The following EMILIN2 variants were observed in gnomAD, a reference collection of about 807,000 sequenced individuals.
The protein encoded by EMILIN2 is elastin microfibril interfacer 2.
A neutral mutation model predicts 87.1 loss-of-function variants in EMILIN2; 71 were observed. That is an observed-to-expected ratio of 0.82 (90% CI 0.67 to 0.99). The LOEUF (loss-of-function observed/expected upper bound fraction) is 0.99, where lower values mean the gene tolerates loss of function less well. Among genes scored for constraint, EMILIN2 ranks in the 50% least tolerant of loss-of-function variants. The pLI, the probability that EMILIN2 is intolerant of heterozygous loss-of-function variation, is 0.00. For synonymous variants in EMILIN2, 581 were observed against 563.4 expected, an observed-to-expected ratio of 1.03 and a Z score of -0.44; for missense variants, 1,407 against 1,371.8, an observed-to-expected ratio of 1.03 and a Z score of -0.40.
rs926225184 is a variant in EMILIN2 at position 2,848,373 on chromosome 18, A to G, written c.257+442A>G. Among the ~76,000 whole-genome samples the G allele has an allele frequency of 6.6e-6, 1 of 152,132 alleles. No individual in the cohort carries two copies. The highest frequency in any genetic ancestry group is 6.5e-5 in the Admixed American group (1 of 15,276). Reference sequence around the variant, plus strand: ...AGGTTTGGCTAAGTAGTGTTCTAAAACGAGTGAGTTCTGTCCGTATGTCCC... The same window carrying G: ...AGGTTTGGCTAAGTAGTGTTCTAAAGCGAGTGAGTTCTGTCCGTATGTCCC... On this transcript the variant is annotated intron_variant, in intron 2 of 7. Transcript: ENST00000254528. This position sits in a 1 kb window ranked among gnomAD's most constrained non-coding sequence, Gnocchi z 4.1.
intron 2 of EMILIN2, among the ~76,000 whole-genome samples, chr18:2,869,149 TTAA>T (rs988864630): frequency 6.6e-6 from 1 of 152,208 alleles, no homozygotes; most frequent in African/African-American, 2.4e-5. Context: ...TGACAAAGAC[TTAA>T]TGATGCTGAT....
intron 2 of EMILIN2, among the ~76,000 whole-genome samples, chr18:2,861,149 G>A (rs1406641240): frequency 6.6e-6 from 1 of 152,136 alleles, no homozygotes; most frequent in South Asian, 2.1e-4. Context: ...TGTCAGATGA[G>A]TAGATTGCAA....
At position 2,906,866 on chromosome 18, in the gene EMILIN2, G is replaced by A. The variant is rs937908084; in HGVS notation, c.2443G>A (p.Ala815Thr). ...CGCCCCGCCGAGGCCCAGCGGCCCC[G>A]CAACCGCAGAGGACCCTGGGCGACG... ...EPAPPRPSGP[A>T]TAEDPGRRPV... is the part of the protein sequence containing the mutation. The change falls in exon 5 of 8, where the codon GCA (alanine) becomes ACA (threonine). Residue 815 changes from alanine (A) to threonine (T), a missense_variant. Transcript: ENST00000254528. 7 of 1,370,430 alleles carry A rather than the reference G, an allele frequency of 5.1e-6. No homozygotes were observed. The highest frequency in any genetic ancestry group is 6.3e-5 in the East Asian group (2 of 31,844). 84.9% of individuals were successfully genotyped at this position (1,370,430 alleles called of 1,614,324 possible).
intron 2 of EMILIN2, among the ~76,000 whole-genome samples, chr18:2,868,021 C>A (rs560354109): frequency 5.9e-5 from 9 of 151,938 alleles, no homozygotes; most frequent in Admixed American, 2.6e-4. Context: ...GGCTGCCGGG[C>A]GGAGATGCTC....
chr18:2,895,915 G>C (rs1380764789), intron 4 of EMILIN2, among the ~76,000 whole-genome samples: 3 of 152,226 alleles, frequency 2.0e-5, no homozygotes, highest in African/African-American at 7.2e-5. Context: ...ATGTGTGATG[G>C]TTTTGGACCA....
At chr18:2,850,378 C>G (rs1341925057) in intron 2 of EMILIN2, among the ~76,000 whole-genome samples, 5 of 151,582 alleles carry the variant, frequency 3.3e-5, no homozygotes, top group Non-Finnish European at 5.9e-5. Context: ...CACCTGGGAC[C>G]TGTGGAAGGA....
chr18:2,886,467 T>A (rs2076804031), intron 3 of EMILIN2, among the ~76,000 whole-genome samples: 1 of 152,246 alleles, frequency 6.6e-6, no homozygotes, highest in African/African-American at 2.4e-5. Flanking sequence ...TCCCTTCCCA[T>A]GGGTAGTACT....
intron 4 of EMILIN2, among the ~76,000 whole-genome samples, chr18:2,905,684 C>T (rs1215467019): frequency 6.6e-6 from 1 of 151,994 alleles, no homozygotes; most frequent in Non-Finnish European, 1.5e-5. Context: ...CTCCCTGCAA[C>T]CTCCACCTCC....
intron 2 of EMILIN2, among the ~76,000 whole-genome samples, chr18:2,868,208 G>A (rs1439756183): frequency 2.0e-5 from 3 of 151,368 alleles, no homozygotes; most frequent in East Asian, 3.9e-4. Flanking sequence ...ATGGGGCGGC[G>A]GGGCAGAGGC....
chr18:2,855,474 T>C (rs1225133136), intron 2 of EMILIN2, among the ~76,000 whole-genome samples: 1 of 152,246 alleles, frequency 6.6e-6, no homozygotes, highest in East Asian at 1.9e-4. Flanking sequence ...AAAAGCAGCC[T>C]GCTTTTTGTT....
intron 2 of EMILIN2, among the ~76,000 whole-genome samples, chr18:2,859,687 A>G (rs1187520050): frequency 6.6e-6 from 1 of 152,176 alleles, no homozygotes; most frequent in Non-Finnish European, 1.5e-5. Context: ...ATCTTCTAGC[A>G]TTTTTATAGT....
intron 4 of EMILIN2, among the ~76,000 whole-genome samples, chr18:2,902,101 A>C (rs1479074981): frequency 6.6e-6 from 1 of 152,184 alleles, no homozygotes. Flanking sequence ...GATTATAGTA[A>C]AAGACAGAAT....
rs2076854045 is a variant in EMILIN2 at position 2,894,380 on chromosome 18, C to G, written c.2359+1894C>G. On this transcript the variant is annotated intron_variant, in intron 4 of 7. Transcript: ENST00000254528. This position sits in a 1 kb window ranked among gnomAD's most constrained non-coding sequence, Gnocchi z 5.0. ...CACCCGAGTGTCCAGCCCACTGCACCTCACTATTTATAACCCAGCCCTTCC... is the reference window on the plus strand; with the variant it reads ...CACCCGAGTGTCCAGCCCACTGCACGTCACTATTTATAACCCAGCCCTTCC... Among the ~76,000 whole-genome samples the G allele has an allele frequency of 6.6e-6, 1 of 152,182 alleles. No individual in the cohort carries two copies. Among genetic ancestry groups the G allele is most frequent in the Non-Finnish European group, 1.5e-5 (1 of 68,034 alleles).
chr18:2,909,211 C>T (rs995728006), intron 6 of EMILIN2, among the ~76,000 whole-genome samples: 1 of 152,208 alleles, frequency 6.6e-6, no homozygotes, highest in African/African-American at 2.4e-5. Context: ...ATCTTCCCTC[C>T]TCCATCATCC....
intron 3 of EMILIN2, among the ~76,000 whole-genome samples, chr18:2,887,300 G>A (rs7242871): frequency 0.015 from 2,211 of 152,128 alleles, 71 homozygotes; most frequent in African/African-American, 0.049. Context: ...TCCTTTTAGT[G>A]GGATTTTAGG....
At chr18:2,859,273 AGGTG>A (rs1395743376) in intron 2 of EMILIN2, among the ~76,000 whole-genome samples, 7 of 152,156 alleles carry the variant, frequency 4.6e-5, no homozygotes, top group African/African-American at 1.7e-4. Flanking sequence ...TGCGGGAGTA[AGGTG>A]GTATCGCATT....
At chr18:2,888,541 C>T (rs893548775) in intron 3 of EMILIN2, among the ~76,000 whole-genome samples, 11 of 151,812 alleles carry the variant, frequency 7.2e-5, no homozygotes, top group Non-Finnish European at 1.5e-4. Flanking sequence ...CAGTGAAACC[C>T]CATCTCTACC....
rs200834200 is a variant in EMILIN2, at chr18:2,890,718, G to C, written c.591G>C (p.Thr197=). 1 of 1,614,100 alleles carries C rather than the reference G, an allele frequency of 6.2e-7. No homozygotes were observed. The highest frequency in any genetic ancestry group is 1.7e-5 in the Admixed American group (1 of 60,012). Reference sequence around the variant, plus strand: ...AGAAGGTTCTTCGACTCACAAGGACGGTTCTTGACCTCCAGTCTTCCCTTG... The same window carrying C: ...AGAAGGTTCTTCGACTCACAAGGACCGTTCTTGACCTCCAGTCTTCCCTTG... ...LEEKVLRLTR[T]VLDLQSSLAG... is the part of the protein sequence containing the mutation. The change falls in exon 4 of 8, where the codon ACG becomes ACC. Residue 197 remains threonine (T), a synonymous_variant. Transcript: ENST00000254528. This position sits in a 1 kb window ranked among gnomAD's most constrained non-coding sequence, Gnocchi z 4.7.
At chr18:2,854,487 A>AACAC (rs141620167) in intron 2 of EMILIN2, among the ~76,000 whole-genome samples, 4,757 of 151,760 alleles carry the variant, frequency 0.031, 253 homozygotes, top group African/African-American at 0.11. Context: ...TGTGGCTTAA[A>AACAC]ACACACACAC....
Sources: allele counts gnomAD v4.1 joint callset (sites outside exome capture counted in the v4.1 genomes callset), GRCh38; gene constraint gnomAD v4.1.1; non-coding constraint Gnocchi (gnomAD v3.1); transcripts MANE v1.5; gene names NCBI Gene and HGNC (gene_info 2026-07-23, HGNC 2026-07-21).